The following OR52K1 variants were observed in gnomAD, a reference collection of about 807,000 sequenced individuals.
OR52K1 encodes the protein olfactory receptor 52K1.
In OR52K1, 10 loss-of-function variants were observed where a neutral mutation model predicts 8.7. The observed-to-expected ratio is 1.15, with a 90% CI of 0.71 to 1.95. OR52K1 has a LOEUF of 1.95. OR52K1 is among the 30% of genes most tolerant of loss of function. The pLI is 0.00. For missense variants in OR52K1, 431 were observed against 397.2 expected (o/e 1.08, Z -0.72); for synonymous variants, 203 against 148.5 (o/e 1.37, Z -2.67).
chr11:4,486,222 A>C (rs1846319732), intron 1 of OR52K1, among the ~76,000 whole-genome samples: 1 of 150,422 alleles, frequency 6.6e-6, no homozygotes, highest in Non-Finnish European at 1.5e-5. Context: ...GGACCTGAAA[A>C]TGCAAGGAAA....
Position 4,482,968 on chromosome 11 carries a change from C to G in OR52K1, c.-537C>G, listed in dbSNP as rs1448753887. The G allele has an allele frequency of 1.8e-5, 7 of 393,648 alleles. No homozygotes were observed. Among genetic ancestry groups the G allele is most frequent in the South Asian group, 1.4e-4 (1 of 7,002 alleles). The allele number at this position is 393,648 out of a possible 1,614,324, so 24.4% of individuals were successfully genotyped here. On this transcript the variant is annotated 5_prime_UTR_variant, in exon 1 of 2. Coordinates refer to ENST00000641528, the MANE Select transcript of OR52K1 (RefSeq NM_001005171.3). ...CACAAACTCCAGATGCTCTCCCCAC[C>G]ACAGAGGATGCCTGCTTCCGTCCTA...
Position 4,489,102 on chromosome 11 carries a change from T to C in OR52K1, c.202T>C (p.Leu68=), listed in dbSNP as rs964058879. The C allele has an allele frequency of 1.9e-6, 3 of 1,614,130 alleles. No individual in the cohort carries two copies. The African/African-American group carries it at 4.0e-5, about 22-fold the overall frequency. The change falls in exon 2 of 2, where the codon TTG becomes CTG. Residue 68 remains leucine (L), a synonymous_variant. Coordinates refer to ENST00000641528, the MANE Select transcript of OR52K1 (RefSeq NM_001005171.3). ...ACCCATGTACCTCTTTCTGGCCATGTTGGCAACCATTGACTTGGTTCTTTC... is the reference window on the plus strand; with the variant it reads ...ACCCATGTACCTCTTTCTGGCCATGCTGGCAACCATTGACTTGGTTCTTTC... ...HEPMYLFLAM[L]ATIDLVLSST...
At position 4,488,847 on chromosome 11, in the gene OR52K1, T is replaced by C; in HGVS notation, c.-54T>C. 2 of 1,213,944 alleles carry C rather than the reference T, an allele frequency of 1.6e-6. No homozygotes were observed. The allele number at this position is 1,213,944 out of a possible 1,614,324, so 75.2% of individuals were successfully genotyped here. A position where few individuals can be genotyped will look rare whatever the true frequency, so the allele number is the denominator to read the frequency against. Reference sequence around the variant, plus strand: ...CTAATCATATATACTGTAGAAGGTATATATAGAAGGTGAAGAAGCCCTGTA... The same window carrying C: ...CTAATCATATATACTGTAGAAGGTACATATAGAAGGTGAAGAAGCCCTGTA... On this transcript the variant is annotated 5_prime_UTR_variant, in exon 2 of 2. Transcript: ENST00000641528.
rs557729003 is a variant in OR52K1, at chr11:4,492,852, G to A, written c.*3007G>A. On this transcript the variant is annotated 3_prime_UTR_variant, in exon 2 of 2. Transcript: ENST00000641528. ...AGAAGAAAAGACAGCTGGGCCTGGG[G>A]GACCAGTACCACCAAGATGCAGAGA... The A allele has an allele frequency of 1.4e-4, 27 of 187,804 alleles. No individual in the cohort carries two copies. In the South Asian group the frequency reaches 3.1e-3, roughly 21 times the overall value. The allele number at this position is 187,804 out of a possible 1,614,324, so 11.6% of individuals were successfully genotyped here. A position where few individuals can be genotyped will look rare whatever the true frequency, so the allele number is the denominator to read the frequency against.
chr11:4,483,087 C>T lies in OR52K1; in HGVS notation c.-418C>T. 1 of 398,424 alleles carries T rather than the reference C, an allele frequency of 2.5e-6. No individual in the cohort carries two copies. Among genetic ancestry groups the T allele is most frequent in the Admixed American group, 4.4e-5 (1 of 22,720 alleles). 24.7% of individuals were successfully genotyped at this position (398,424 alleles called of 1,614,324 possible). ...ACCTCCTGTCATTGCTTTTTCTAAC[C>T]CCTGGCAAATGCCCCATCCCAGTTA... On this transcript the variant is annotated 5_prime_UTR_variant, in exon 1 of 2. Coordinates refer to ENST00000641528, the MANE Select transcript of OR52K1 (RefSeq NM_001005171.3).
Position 4,489,079 on chromosome 11 carries a change from C to G in OR52K1, c.179C>G (p.Pro60Arg). ...CAGGCTGATGCAGCCCTCCATGAAC[C>G]CATGTACCTCTTTCTGGCCATGTTG... is the stretch of plus-strand genomic sequence containing the variant. ...IIQADAALHE[P>R]MYLFLAMLAT... is the part of the protein sequence containing the mutation. The change falls in exon 2 of 2, where the codon CCC becomes CGC. Residue 60 changes from proline to arginine, a missense_variant. Physicochemically the swap from Pro to Arg is moderately radical, Grantham distance 103. Transcript: ENST00000641528. The G allele has an allele frequency of 6.2e-7, 1 of 1,614,186 alleles. No individual in the cohort carries two copies. Among genetic ancestry groups the G allele is most frequent in the Non-Finnish European group, 8.5e-7 (1 of 1,180,012 alleles).
intron 1 of OR52K1, among the ~76,000 whole-genome samples, chr11:4,488,244 G>A (rs1424510968): frequency 1.3e-5 from 2 of 152,228 alleles, no homozygotes; most frequent in Admixed American, 6.5e-5. Context: ...AAATATTCTT[G>A]GTAGTCACTA....
intron 1 of OR52K1, among the ~76,000 whole-genome samples, chr11:4,486,843 A>G (rs1846324771): frequency 6.6e-6 from 1 of 152,218 alleles, no homozygotes; most frequent in Non-Finnish European, 1.5e-5. Context: ...TAAAATTTGA[A>G]AAGATGCTTG....
chr11:4,489,065 A>G lies in OR52K1; in HGVS notation c.165A>G (p.Ala55=). ...CTLLFIIQAD[A]ALHEPMYLFL... The stretch of plus-strand genomic sequence containing the variant: ...TTCTCTTCATTATCCAGGCTGATGC[A>G]GCCCTCCATGAACCCATGTACCTCT... Residue 55 remains alanine, a synonymous_variant, in exon 2 of 2, where the codon GCA becomes GCG. Coordinates refer to ENST00000641528, the MANE Select transcript of OR52K1 (RefSeq NM_001005171.3). 1 of 1,614,188 alleles carries G rather than the reference A, an allele frequency of 6.2e-7. No homozygotes were observed. The highest frequency in any genetic ancestry group is 8.5e-7 in the Non-Finnish European group (1 of 1,180,006).
Position 4,490,756 on chromosome 11 carries a change from G to GT in OR52K1, c.*917dup, listed in dbSNP as rs1199738314. 1 of 152,144 alleles carries GT rather than the reference G, an allele frequency of 6.6e-6. No individual in the cohort carries two copies. 9.4% of individuals were successfully genotyped at this position (152,144 alleles called of 1,614,324 possible). On this transcript the variant is annotated 3_prime_UTR_variant, in exon 2 of 2. Coordinates refer to ENST00000641528, the MANE Select transcript of OR52K1 (RefSeq NM_001005171.3). Reference sequence around the variant, plus strand: ...TTATAGTACCGTATATTTACTGTATGTTTTTTAACTTTTAAGTTACATGTA... The same window carrying GT: ...TTATAGTACCGTATATTTACTGTATGTTTTTTTAACTTTTAAGTTACATGTA...
In OR52K1 at chr11:4,491,877, A is replaced by G. The variant is rs187463072; in HGVS notation, c.*2032A>G. The G allele has an allele frequency of 6.6e-6, 1 of 152,314 alleles. No homozygotes were observed. Among genetic ancestry groups the G allele is most frequent in the Non-Finnish European group, 1.5e-5 (1 of 68,030 alleles). The allele number at this position is 152,314 out of a possible 1,614,324, so 9.4% of individuals were successfully genotyped here. ...TTGTACAACAAACTCCCGTGACACAAGTTTATTTATATAACACACCTGCAC... is the reference window on the plus strand; with the variant it reads ...TTGTACAACAAACTCCCGTGACACAGGTTTATTTATATAACACACCTGCAC... On this transcript the variant is annotated 3_prime_UTR_variant, in exon 2 of 2. Transcript: ENST00000641528.
Position 4,488,999 on chromosome 11 carries a change from C to T in OR52K1, c.99C>T (p.Phe33=). 1 of 1,614,204 alleles carries T rather than the reference C, an allele frequency of 6.2e-7. No individual in the cohort carries two copies. The highest frequency in any genetic ancestry group is 1.1e-5 in the South Asian group (1 of 91,090). ...EHLHAWISIP[F]CFAYTLALLG... ...TGCATGCCTGGATCTCCATCCCCTTCTGCTTTGCTTATACTCTGGCCCTGC... is the reference window on the plus strand; with the variant it reads ...TGCATGCCTGGATCTCCATCCCCTTTTGCTTTGCTTATACTCTGGCCCTGC... Residue 33 remains phenylalanine, a synonymous_variant, in exon 2 of 2, where the codon TTC becomes TTT. Coordinates refer to ENST00000641528, the MANE Select transcript of OR52K1 (RefSeq NM_001005171.3).
intron 1 of OR52K1, among the ~76,000 whole-genome samples, chr11:4,484,948 C>A (rs1846309703): frequency 6.6e-6 from 1 of 151,982 alleles, no homozygotes; most frequent in Non-Finnish European, 1.5e-5. Flanking sequence ...AAAAAGTTAG[C>A]CATGTTAACA....
Position 4,489,892 on chromosome 11 carries a change from C to G in OR52K1, c.*47C>G. On this transcript the variant is annotated 3_prime_UTR_variant, in exon 2 of 2. Coordinates refer to ENST00000641528, the MANE Select transcript of OR52K1 (RefSeq NM_001005171.3). ...TCCCACTTGCCAAGTAATGAGAATG[C>G]TGGATTGGGGTTGAGGGGAAAAATC... The G allele has an allele frequency of 1.5e-6, 2 of 1,374,518 alleles. No individual in the cohort carries two copies. Among genetic ancestry groups the G allele is most frequent in the Non-Finnish European group, 2.0e-6 (2 of 999,204 alleles). 85.1% of individuals were successfully genotyped at this position (1,374,518 alleles called of 1,614,324 possible).
Position 4,489,649 on chromosome 11 carries a change from T to A in OR52K1, c.749T>A (p.Ile250Asn). The change falls in exon 2 of 2, where the codon ATC becomes AAC. Residue 250 changes from isoleucine (I) to asparagine (N), a missense_variant. Coordinates refer to ENST00000641528, the MANE Select transcript of OR52K1 (RefSeq NM_001005171.3). Reference protein sequence around the residue: ...FGTCVSHIGAILSTYTPVVIS... With the variant: ...FGTCVSHIGANLSTYTPVVIS... ...ACATGTGTGTCTCACATAGGTGCCA[T>A]CCTGTCCACCTACACTCCAGTAGTC... The A allele has an allele frequency of 1.2e-6, 2 of 1,614,188 alleles. No individual in the cohort carries two copies. The highest frequency in any genetic ancestry group is 1.1e-5 in the South Asian group (1 of 91,076).
rs1057385496 is a variant in OR52K1 at position 4,483,068 on chromosome 11, T to C, written c.-437T>C. ...TTTGGATCTGTCACTTCTCACCTCC[T>C]GTCATTGCTTTTTCTAACCCCTGGC... On this transcript the variant is annotated 5_prime_UTR_variant, in exon 1 of 2. Transcript: ENST00000641528. 4.5e-5 allele frequency: 18 copies of C among 398,252 alleles called. No homozygotes were observed. The highest frequency in any genetic ancestry group is 3.1e-4 in the African/African-American group (15 of 48,610). 24.7% of individuals were successfully genotyped at this position (398,252 alleles called of 1,614,324 possible).
In OR52K1 at chr11:4,489,537, C is replaced by T. The variant is rs757600174; in HGVS notation, c.637C>T (p.Leu213=). The change falls in exon 2 of 2, where the codon CTG becomes TTG. Residue 213 remains leucine (L), a synonymous_variant. Coordinates refer to ENST00000641528, the MANE Select transcript of OR52K1 (RefSeq NM_001005171.3). ...GGCCATGTTTATTGTGGTGTTGGAC[C>T]TGCTCTTTGTTATCCTGTCTTATGT... is the stretch of plus-strand genomic sequence containing the variant. ...AVAMFIVVLD[L]LFVILSYVFI... 1 of 1,614,080 alleles carries T rather than the reference C, an allele frequency of 6.2e-7. No homozygotes were observed. The highest frequency in any genetic ancestry group is 1.3e-5 in the African/African-American group (1 of 74,914).
In OR52K1 at chr11:4,489,604, C is replaced by T. The variant is rs766536729; in HGVS notation, c.704C>T (p.Ala235Val). ...QAVLQLASQE[A>V]RYKAFGTCVS... ...GTTCTCCAGCTTGCCTCTCAGGAGGCCCGCTACAAGGCATTTGGGACATGT... is the reference window on the plus strand; with the variant it reads ...GTTCTCCAGCTTGCCTCTCAGGAGGTCCGCTACAAGGCATTTGGGACATGT... The change falls in exon 2 of 2, where the codon GCC (alanine) becomes GTC (valine). Residue 235 changes from alanine to valine, a missense_variant. Transcript: ENST00000641528. The T allele has an allele frequency of 1.2e-5, 19 of 1,614,172 alleles. No homozygotes were observed. Among genetic ancestry groups the T allele is most frequent in the Non-Finnish European group, 1.6e-5 (19 of 1,180,014 alleles).
Position 4,489,632 on chromosome 11 carries a change from G to C in OR52K1, c.732G>C (p.Val244=), listed in dbSNP as rs749351939. ...EARYKAFGTC[V]SHIGAILSTY... ...GCTACAAGGCATTTGGGACATGTGT[G>C]TCTCACATAGGTGCCATCCTGTCCA... is the stretch of plus-strand genomic sequence containing the variant. Residue 244 remains valine, a synonymous_variant, in exon 2 of 2, where the codon GTG becomes GTC. Transcript: ENST00000641528. 6 of 1,614,084 alleles carry C rather than the reference G, an allele frequency of 3.7e-6. No homozygotes were observed. In the Admixed American group the frequency reaches 6.7e-5, roughly 18 times the overall value.
Sources: gnomAD v4.1 joint callset for allele counts (sites outside exome capture counted in the v4.1 genomes callset) on GRCh38, gnomAD v4.1.1 for gene constraint, MANE v1.5 for transcripts, NCBI Gene and HGNC (gene_info 2026-07-23, HGNC 2026-07-21) for gene names.